Variants in SHISAL1 observed in about 807,000 individuals in gnomAD.
SHISAL1 encodes protein shisa-like-1.
In SHISAL1, 9 loss-of-function variants were observed where a neutral mutation model predicts 22.6. The ratio of observed to expected loss-of-function variants is 0.40; its 90% CI spans 0.24 to 0.70. The LOEUF (loss-of-function observed/expected upper bound fraction) is 0.70, where lower values mean the gene tolerates loss of function less well. Among genes scored for constraint, SHISAL1 ranks in the 30% least tolerant of loss-of-function variants. SHISAL1 has a pLI of 0.39. For missense variants in SHISAL1, 246 were observed against 270.6 expected (o/e 0.91, Z 0.64); for synonymous variants, 119 against 115.4 (o/e 1.03, Z -0.20).
Position 44,249,190 on chromosome 22 carries a change from C to A in SHISAL1, c.*495G>T, listed in dbSNP as rs1048500751. On this transcript the variant is annotated 3_prime_UTR_variant, in exon 5 of 5. Coordinates refer to ENST00000381176, the MANE Select transcript of SHISAL1 (RefSeq NM_001099294.2). ...GGGGGGAAGCCCCAATAAAAACCAA[C>A]CAACCAAGCAAACAAAAAGAACACC... 20 of 152,800 alleles carry A rather than the reference C, an allele frequency of 1.3e-4. No individual in the cohort carries two copies. Among genetic ancestry groups the A allele is most frequent in the Non-Finnish European group, 2.5e-4 (17 of 68,592 alleles). The allele number at this position is 152,800 out of a possible 1,614,324, so 9.5% of individuals were successfully genotyped here. A position where few individuals can be genotyped will look rare whatever the true frequency, so the allele number is the denominator to read the frequency against.
At chr22:44,303,813 C>T (rs2055450786) in intron 1 of SHISAL1, among the ~76,000 whole-genome samples, 1 of 152,150 alleles carries the variant, frequency 6.6e-6, no homozygotes, top group Non-Finnish European at 1.5e-5. Flanking sequence ...CCCCGAATCC[C>T]ACCCGGGTGG....
At chr22:44,302,582 G>A (rs1178119178) in intron 1 of SHISAL1, among the ~76,000 whole-genome samples, 1 of 152,224 alleles carries the variant, frequency 6.6e-6, no homozygotes, top group Non-Finnish European at 1.5e-5. Flanking sequence ...CCACGTGGCT[G>A]TCTGGAAGAA....
chr22:44,306,149 G>T (rs1377097140), intron 1 of SHISAL1, among the ~76,000 whole-genome samples: 1 of 152,224 alleles, frequency 6.6e-6, no homozygotes. Flanking sequence ...AGGCTTCCAT[G>T]AGGCGGCCAG....
chr22:44,285,001 G>C (rs374493664), intron 4 of SHISAL1, among the ~76,000 whole-genome samples: 1 of 151,824 alleles, frequency 6.6e-6, no homozygotes, highest in Non-Finnish European at 1.5e-5. Context: ...GTACACATAA[G>C]GAACTAAGTA....
At chr22:44,297,781 A>G (rs2055397694) in intron 2 of SHISAL1, among the ~76,000 whole-genome samples, 2 of 152,284 alleles carry the variant, frequency 1.3e-5, no homozygotes, top group African/African-American at 2.4e-5. Flanking sequence ...GTATCTTCAT[A>G]AAAGAGATCG....
chr22:44,290,348 G>A (rs969197335), intron 3 of SHISAL1, among the ~76,000 whole-genome samples: 6 of 152,110 alleles, frequency 3.9e-5, no homozygotes, highest in South Asian at 2.1e-4. Context: ...TGACTAATAC[G>A]GAGAAACCCC....
chr22:44,328,646 G>A, the SHISAL1 span, among the ~76,000 whole-genome samples: 2 of 151,986 alleles, frequency 1.3e-5, no homozygotes, highest in African/African-American at 4.8e-5. Flanking sequence ...GAGAGGGCTT[G>A]GCCAATTGTC....
intron 4 of SHISAL1, among the ~76,000 whole-genome samples, chr22:44,273,107 C>CA (rs1022714692): frequency 1.8e-4 from 26 of 148,010 alleles, no homozygotes; most frequent in Middle Eastern, 3.2e-3. Flanking sequence ...AAAAAAAAAA[C>CA]AAAAAAAACC....
intron 1 of SHISAL1, among the ~76,000 whole-genome samples, chr22:44,304,687 A>G (rs948990822): frequency 1.3e-5 from 2 of 152,204 alleles, no homozygotes; most frequent in African/African-American, 4.8e-5. Flanking sequence ...GGGAGTGCTC[A>G]GGAATGGATT....
intron 4 of SHISAL1, among the ~76,000 whole-genome samples, chr22:44,275,056 C>T (rs1412037438): frequency 6.6e-6 from 1 of 152,242 alleles, no homozygotes; most frequent in Non-Finnish European, 1.5e-5. Context: ...GCTCACCCCT[C>T]TGCGGGTTTG....
chr22:44,255,352 C>A (rs2055077431), intron 4 of SHISAL1, among the ~76,000 whole-genome samples: 1 of 152,130 alleles, frequency 6.6e-6, no homozygotes, highest in African/African-American at 2.4e-5. Context: ...ACTTAATATA[C>A]CCCAAACCAA....
intron 4 of SHISAL1, among the ~76,000 whole-genome samples, chr22:44,277,562 C>T (rs1348862281): frequency 3.9e-5 from 6 of 152,202 alleles, no homozygotes; most frequent in Admixed American, 2.6e-4. Context: ...CTGGGCCGCA[C>T]CTCCTAGGCA....
chr22:44,299,895 G>GAGAGACAGAGACAGAGAC, intron 2 of SHISAL1, among the ~76,000 whole-genome samples: 1 of 151,814 alleles, frequency 6.6e-6, no homozygotes, highest in Admixed American at 6.6e-5. Flanking sequence ...GACAGAGACA[G>GAGAGACAGAGACAGAGAC]AGAGACAGAG....
At chr22:44,311,948 C>T (rs1054805307) in intron 1 of SHISAL1, among the ~76,000 whole-genome samples, 1 of 152,128 alleles carries the variant, frequency 6.6e-6, no homozygotes, top group African/African-American at 2.4e-5. Context: ...TGGAGAAACA[C>T]AAAAATATCA....
rs730071 is a variant in SHISAL1, at chr22:44,245,960, C to G, written c.*3725G>C. 1 of 152,282 alleles carries G rather than the reference C, an allele frequency of 6.6e-6. No individual in the cohort carries two copies. Among genetic ancestry groups the G allele is most frequent in the Admixed American group, 6.5e-5 (1 of 15,290 alleles). The allele number at this position is 152,282 out of a possible 1,614,324, so 9.4% of individuals were successfully genotyped here. On this transcript the variant is annotated 3_prime_UTR_variant, in exon 5 of 5. Coordinates refer to ENST00000381176, the MANE Select transcript of SHISAL1 (RefSeq NM_001099294.2). ...TTGGAGACAGCAAGAGGGACCAGAT[C>G]TACCTGTGAAATCACCTGTGTGTGT...
At chr22:44,301,012 G>T in intron 1 of SHISAL1, 35 bp from the exon 2 acceptor site, 1 of 1,468,612 alleles carries the variant, frequency 6.8e-7, no homozygotes, top group Non-Finnish European at 9.5e-7. Context: ...CTGGGTGTGG[G>T]CTGTCTCGCC....
At chr22:44,263,087 T>C (rs113855150) in intron 4 of SHISAL1, among the ~76,000 whole-genome samples, 65 of 136,566 alleles carry the variant, frequency 4.8e-4, no homozygotes, top group African/African-American at 1.7e-3. Context: ...TTCTTTTTTT[T>C]TTTTTTTTTT....
rs1222297906 is a variant in SHISAL1, at chr22:44,248,368, C to T, written c.*1317G>A. On this transcript the variant is annotated 3_prime_UTR_variant, in exon 5 of 5. Transcript: ENST00000381176. ...TGGGGGAGATTTGGTATCACTAACA[C>T]CCATGGAATGAGTGTGTCTACACTG... 6.9e-6 allele frequency: 1 copy of T among 145,642 alleles called. No individual in the cohort carries two copies. Among genetic ancestry groups the T allele is most frequent in the African/African-American group, 2.8e-5 (1 of 35,230 alleles). 9.0% of individuals were successfully genotyped at this position (145,642 alleles called of 1,614,324 possible). A position where few individuals can be genotyped will look rare whatever the true frequency, so the allele number is the denominator to read the frequency against.
At chr22:44,286,344 A>G (rs1364676559) in intron 3 of SHISAL1, among the ~76,000 whole-genome samples, 2 of 152,096 alleles carry the variant, frequency 1.3e-5, no homozygotes, top group African/African-American at 2.4e-5. Context: ...TCCGGGCCCC[A>G]TGACCTCACT....
Sources: allele counts gnomAD v4.1 joint callset (sites outside exome capture counted in the v4.1 genomes callset), GRCh38; gene constraint gnomAD v4.1.1; transcripts MANE v1.5; gene names NCBI Gene and HGNC (gene_info 2026-07-23, HGNC 2026-07-21).